The following GMDS variants were observed in gnomAD, a reference collection of about 807,000 sequenced individuals.
The protein encoded by GMDS is GDP-mannose 4,6 dehydratase.
GMDS carries 20 observed loss-of-function variants against 49.9 expected under a neutral mutation model. The observed-to-expected ratio is 0.40, with a 90% confidence interval of 0.28 to 0.58. The LOEUF (loss-of-function observed/expected upper bound fraction) is 0.58. Ranked by LOEUF, GMDS falls within the 20% of genes least tolerant of loss-of-function variation. GMDS has a pLI of 0.42. For missense variants in GMDS, 362 were observed against 481.4 expected, an observed-to-expected ratio of 0.75 and a Z score of 2.32; for synonymous variants, 177 against 178.6, an observed-to-expected ratio of 0.99 and a Z score of 0.07.
At chr6:2,138,330 T>C (rs534978200) in intron 1 of GMDS, among the ~76,000 whole-genome samples, 5 of 152,312 alleles carry the variant, frequency 3.3e-5, no homozygotes, top group African/African-American at 4.8e-5. Context: ...GTGAAATATA[T>C]TTTTGTCTCT....
At chr6:1,808,049 A>G (rs555383491) in intron 7 of GMDS, among the ~76,000 whole-genome samples, 10 of 152,276 alleles carry the variant, frequency 6.6e-5, no homozygotes, top group African/African-American at 2.4e-4. Context: ...AGGAAAAGCC[A>G]TTTCCCACTG....
chr6:1,752,204 G>A (rs1226078813), intron 7 of GMDS, among the ~76,000 whole-genome samples: 2 of 152,134 alleles, frequency 1.3e-5, no homozygotes, highest in African/African-American at 4.8e-5. Flanking sequence ...ACCTGATGGA[G>A]CTGAAAAACA....
chr6:2,148,889 G>A (rs771991965), intron 1 of GMDS, among the ~76,000 whole-genome samples: 3 of 152,152 alleles, frequency 2.0e-5, no homozygotes, highest in Non-Finnish European at 4.4e-5. Context: ...GGTAGAACAC[G>A]TGAGAAACTG....
intron 1 of GMDS, among the ~76,000 whole-genome samples, chr6:2,241,932 A>T (rs1781632796): frequency 6.6e-6 from 1 of 152,222 alleles, no homozygotes; most frequent in Non-Finnish European, 1.5e-5. Context: ...TGCAGTGAAG[A>T]TGTGTTCTGC....
In GMDS at chr6:2,228,444, T is replaced by C. The variant is rs561392252; in HGVS notation, c.102+16877A>G. ...AGCCCGTTTTTTAAACAGGTAAAAC[T>C]GCTTTTAAGAGAAAGAAACATTTCT... On this transcript the variant is annotated intron_variant, in intron 1 of 10. Coordinates refer to ENST00000380815, the MANE Select transcript of GMDS (RefSeq NM_001500.4). Among the ~76,000 whole-genome samples the C allele has an allele frequency of 7.8e-4, 119 of 152,208 alleles. 1 individual carries two copies. The highest frequency in any genetic ancestry group is 1.5e-3 in the Non-Finnish European group (103 of 68,036).
intron 9 of GMDS, among the ~76,000 whole-genome samples, chr6:1,643,697 C>T (rs766679164): frequency 4.6e-5 from 7 of 151,982 alleles, no homozygotes; most frequent in South Asian, 2.1e-4. Context: ...TTTTTGCCTC[C>T]GGTGATGAAA....
intron 1 of GMDS, among the ~76,000 whole-genome samples, chr6:2,221,661 T>A (rs1384077807): frequency 1.3e-5 from 2 of 152,234 alleles, no homozygotes; most frequent in African/African-American, 4.8e-5. Flanking sequence ...GTGCTGGGAT[T>A]ACAGGAGTGA....
chr6:1,982,074 G>A (rs1280131247), intron 4 of GMDS, among the ~76,000 whole-genome samples: 1 of 152,152 alleles, frequency 6.6e-6, no homozygotes, highest in African/African-American at 2.4e-5. Context: ...GGAGGCTGAG[G>A]CGGGTGGATC....
At chr6:1,641,172 T>G (rs1276628310) in intron 9 of GMDS, among the ~76,000 whole-genome samples, 1 of 152,224 alleles carries the variant, frequency 6.6e-6, no homozygotes, top group Non-Finnish European at 1.5e-5. Context: ...GGACTCATTT[T>G]GGGACATCCT....
At chr6:1,947,391 T>C (rs1042380447) in intron 6 of GMDS, among the ~76,000 whole-genome samples, 2 of 152,208 alleles carry the variant, frequency 1.3e-5, no homozygotes, top group African/African-American at 2.4e-5. Context: ...TAAGAGGCAC[T>C]GGGGCCAGGG....
chr6:2,015,682 T>C (rs1767844726), intron 4 of GMDS, among the ~76,000 whole-genome samples: 2 of 152,112 alleles, frequency 1.3e-5, no homozygotes, highest in Admixed American at 6.6e-5. Context: ...AGATCTCCAC[T>C]GGATGCCTGA....
chr6:1,963,464 C>T (rs946262682), intron 4 of GMDS, among the ~76,000 whole-genome samples: 2 of 152,174 alleles, frequency 1.3e-5, no homozygotes, highest in African/African-American at 4.8e-5. Context: ...CTTTACTTAA[C>T]CCAAGATCAG....
chr6:1,684,201 G>A (rs1367850440), intron 9 of GMDS, among the ~76,000 whole-genome samples: 8 of 152,174 alleles, frequency 5.3e-5, no homozygotes, highest in Non-Finnish European at 7.3e-5. Flanking sequence ...GTGAGCATCC[G>A]CTGAAGTCGT....
At chr6:1,644,930 CTT>C (rs754544147) in intron 9 of GMDS, among the ~76,000 whole-genome samples, 113 of 136,140 alleles carry the variant, frequency 8.3e-4, no homozygotes, top group Admixed American at 9.6e-4. Flanking sequence ...GACTCTGGTC[CTT>C]TTTTTTTTTT....
chr6:1,930,058 C>A, intron 7 of GMDS, 45 bp downstream of exon 7: 1 of 1,540,890 alleles, frequency 6.5e-7, no homozygotes, highest in South Asian at 1.2e-5. Flanking sequence ...TTTAGAATAT[C>A]AATGGATACG....
intron 7 of GMDS, among the ~76,000 whole-genome samples, chr6:1,919,563 G>A (rs1304467522): frequency 6.6e-6 from 1 of 152,172 alleles, no homozygotes; most frequent in East Asian, 1.9e-4. Flanking sequence ...AGGAAAAGGA[G>A]ACTTTCACTT....
chr6:1,936,932 A>C (rs1762579059), intron 6 of GMDS, among the ~76,000 whole-genome samples: 1 of 151,256 alleles, frequency 6.6e-6, no homozygotes. Context: ...ACCCCACTGC[A>C]ATCCAGCCTG....
chr6:1,686,171 C>A (rs1764968990), intron 9 of GMDS, among the ~76,000 whole-genome samples: 1 of 152,206 alleles, frequency 6.6e-6, no homozygotes, highest in Non-Finnish European at 1.5e-5. Context: ...AGGAGCAGAA[C>A]TGAAGCCAGT....
intron 7 of GMDS, among the ~76,000 whole-genome samples, chr6:1,786,798 G>GT (rs1395249914): frequency 4.8e-5 from 6 of 125,198 alleles, no homozygotes; most frequent in South Asian, 2.6e-4. Flanking sequence ...AGTAATTTGT[G>GT]GTTTTTTTTT....
Sources: gnomAD v4.1 joint callset for allele counts (sites outside exome capture counted in the v4.1 genomes callset) on GRCh38, gnomAD v4.1.1 for gene constraint, MANE v1.5 for transcripts, NCBI Gene and HGNC (gene_info 2026-07-23, HGNC 2026-07-21) for gene names.